The following SLC4A4 variants were observed in gnomAD, a reference collection of about 807,000 sequenced individuals.
SLC4A4 encodes electrogenic sodium bicarbonate cotransporter 1.
A neutral mutation model predicts 111.5 loss-of-function variants in SLC4A4; 27 were observed. The observed-to-expected ratio is 0.24, with a 90% confidence interval of 0.18 to 0.33. The LOEUF (loss-of-function observed/expected upper bound fraction) is 0.33, where lower values mean the gene tolerates loss of function less well. Ranked by LOEUF, SLC4A4 falls within the 10% of genes least tolerant of loss-of-function variation. The pLI is 1.00. For missense variants in SLC4A4, 909 were observed against 1,315.5 expected (o/e 0.69, Z 4.78); for synonymous variants, 443 against 463.4 (o/e 0.96, Z 0.57).
intron 18 of SLC4A4, 23 bp downstream of exon 18, chr4:71,534,411 G>A (rs1313095868): frequency 1.2e-6 from 2 of 1,608,910 alleles, no homozygotes; most frequent in Middle Eastern, 1.7e-4. Context: ...AATAATGTCT[G>A]TCATTGCCTT....
chr4:71,067,176 C>A (rs1413891701), intron 1 of SLC4A4, among the ~76,000 whole-genome samples: 1 of 151,636 alleles, frequency 6.6e-6, no homozygotes, highest in Non-Finnish European at 1.5e-5. Context: ...TTTCTTAGTA[C>A]TACCATAGTG....
chr4:71,277,070 A>G (rs1723123884), intron 3 of SLC4A4, among the ~76,000 whole-genome samples: 1 of 152,092 alleles, frequency 6.6e-6, no homozygotes, highest in African/African-American at 2.4e-5. Context: ...ACAAAACAAA[A>G]CAACCCCAAA....
intron 22 of SLC4A4, among the ~76,000 whole-genome samples, chr4:71,559,104 A>G (rs201007862): frequency 6.6e-6 from 1 of 151,890 alleles, no homozygotes; most frequent in Non-Finnish European, 1.5e-5. Context: ...TGGTCACAAA[A>G]TAATTCTGTA....
chr4:71,249,461 T>C (rs1440064583), intron 2 of SLC4A4, among the ~76,000 whole-genome samples: 1 of 152,166 alleles, frequency 6.6e-6, no homozygotes, highest in East Asian at 1.9e-4. Context: ...AAAATTATGC[T>C]GTGCTTTTTG....
intron 15 of SLC4A4, among the ~76,000 whole-genome samples, chr4:71,489,141 C>T (rs946580064): frequency 1.3e-5 from 2 of 151,698 alleles, no homozygotes; most frequent in Non-Finnish European, 2.9e-5. Flanking sequence ...CTATAATTCT[C>T]ACAATCACTT....
At chr4:71,253,990 C>T (rs1721263038) in intron 2 of SLC4A4, among the ~76,000 whole-genome samples, 1 of 152,118 alleles carries the variant, frequency 6.6e-6, no homozygotes, top group Admixed American at 6.6e-5. Flanking sequence ...AACACCCCTG[C>T]CAATTATGGT....
At chr4:71,141,330 A>C (rs1467379956) in intron 2 of SLC4A4, among the ~76,000 whole-genome samples, 3 of 152,032 alleles carry the variant, frequency 2.0e-5, no homozygotes, top group Non-Finnish European at 2.9e-5. Flanking sequence ...CCCTTACATC[A>C]CTTTCTGTTA....
At chr4:71,236,234 A>ATTTTTT in intron 1 of SLC4A4, 2 of 958,042 alleles carry the variant, frequency 2.1e-6, no homozygotes, top group East Asian at 9.5e-5. Context: ...CTCTCTTGGT[A>ATTTTTT]TTTTTTTTTT....
At position 71,473,020 on chromosome 4, in the gene SLC4A4, G is replaced by T. The variant is rs772622470; in HGVS notation, c.1903+50G>T. 27 of 1,603,342 alleles carry T rather than the reference G, an allele frequency of 1.7e-5. 2 individuals carry two copies. In the South Asian group the frequency reaches 2.9e-4, roughly 17 times the overall value. On this transcript the variant is annotated intron_variant, in intron 14 of 25. Transcript: ENST00000264485. The stretch of plus-strand genomic sequence containing the variant: ...ATGCTCGCTTTGTATTTGGAGGAAG[G>T]TGTAGGCTCCATGCTTGCAAATTTT...
intron 20 of SLC4A4, among the ~76,000 whole-genome samples, chr4:71,549,647 G>C (rs996850201): frequency 1.3e-5 from 2 of 151,678 alleles, no homozygotes; most frequent in African/African-American, 4.8e-5. Flanking sequence ...AGTTCCTTTT[G>C]TGTGTATATG....
At chr4:71,221,669 C>T (rs1047792957) in intron 1 of SLC4A4, among the ~76,000 whole-genome samples, 2 of 152,098 alleles carry the variant, frequency 1.3e-5, no homozygotes, top group African/African-American at 4.8e-5. Flanking sequence ...TTTAGGTAGG[C>T]GAGGTTTCAA....
intron 2 of SLC4A4, among the ~76,000 whole-genome samples, chr4:71,133,715 T>C (rs547540536): frequency 1.2e-4 from 18 of 152,314 alleles, no homozygotes; most frequent in Admixed American, 8.5e-4. Flanking sequence ...CTAGGAAGTG[T>C]GACTCATTGG....
At chr4:71,328,746 A>G (rs1327645975) in intron 3 of SLC4A4, among the ~76,000 whole-genome samples, 2 of 152,084 alleles carry the variant, frequency 1.3e-5, no homozygotes, top group East Asian at 1.9e-4. Context: ...GTAGTTTACA[A>G]ATACTTTCTT....
chr4:71,146,049 A>G (rs544125990), intron 2 of SLC4A4, among the ~76,000 whole-genome samples: 32 of 152,134 alleles, frequency 2.1e-4, no homozygotes, highest in Non-Finnish European at 4.3e-4. Flanking sequence ...TAGGGTGTCA[A>G]TTTTAGATCT....
intron 14 of SLC4A4, among the ~76,000 whole-genome samples, chr4:71,485,989 G>T (rs2149130268): frequency 6.6e-6 from 1 of 151,572 alleles, no homozygotes; most frequent in Non-Finnish European, 1.5e-5. Flanking sequence ...ATATAGGCAG[G>T]ACTTGAAGCA....
At chr4:71,504,841 G>A (rs1191525983) in intron 16 of SLC4A4, among the ~76,000 whole-genome samples, 1 of 151,904 alleles carries the variant, frequency 6.6e-6, no homozygotes, top group Non-Finnish European at 1.5e-5. Flanking sequence ...ATTAAGCCCA[G>A]CATCCACTAG....
At chr4:71,237,867 G>A (rs1461964283) in intron 2 of SLC4A4, among the ~76,000 whole-genome samples, 8 of 152,124 alleles carry the variant, frequency 5.3e-5, no homozygotes, top group Non-Finnish European at 7.4e-5. Context: ...TTAGGAAAAC[G>A]GAAACTACAG....
At chr4:71,263,953 T>C (rs974239827) in intron 3 of SLC4A4, among the ~76,000 whole-genome samples, 1 of 152,218 alleles carries the variant, frequency 6.6e-6, no homozygotes, top group Admixed American at 6.5e-5. Context: ...CTTATGATTA[T>C]TTATTTAGGG....
intron 2 of SLC4A4, among the ~76,000 whole-genome samples, chr4:71,140,350 A>G (rs1743961449): frequency 6.6e-6 from 1 of 152,134 alleles, no homozygotes; most frequent in African/African-American, 2.4e-5. Flanking sequence ...GAGTCCAGGA[A>G]GTTGAGGTTG....
Sources: allele counts gnomAD v4.1 joint callset (sites outside exome capture counted in the v4.1 genomes callset), GRCh38; gene constraint gnomAD v4.1.1; transcripts MANE v1.5; gene names NCBI Gene and HGNC (gene_info 2026-07-23, HGNC 2026-07-21).